ZBTB20: variants seen among roughly 807,000 people sequenced by gnomAD.
ZBTB20 encodes the protein zinc finger and BTB domain-containing protein 20.
In ZBTB20, 9 loss-of-function variants were observed where a neutral mutation model predicts 56.9. The ratio of observed to expected loss-of-function variants is 0.16; its 90% confidence interval spans 0.10 to 0.28. ZBTB20 has a LOEUF of 0.28. ZBTB20 is among the 10% of genes least tolerant of loss of function. ZBTB20 has a pLI of 1.00. For missense variants in ZBTB20, 655 were observed against 1,003.0 expected (o/e 0.65, Z 4.69); for synonymous variants, 417 against 420.7 (o/e 0.99, Z 0.11).
At chr3:114,986,310 T>A (rs2078541168) in intron 2 of ZBTB20, among the ~76,000 whole-genome samples, 1 of 152,114 alleles carries the variant, frequency 6.6e-6, no homozygotes, top group Admixed American at 6.6e-5. Flanking sequence ...GCATATTTTA[T>A]CCATCAGATT....
chr3:114,388,538 C>T (rs1255758080), intron 8 of ZBTB20: 1 of 152,456 alleles, frequency 6.6e-6, no homozygotes, highest in Non-Finnish European at 1.5e-5. Context: ...AAGGGAAGGG[C>T]AGCAAGGAGA....
intron 4 of ZBTB20, among the ~76,000 whole-genome samples, chr3:114,877,377 G>A (rs2076238033): frequency 6.6e-6 from 1 of 152,184 alleles, no homozygotes; most frequent in Non-Finnish European, 1.5e-5. Flanking sequence ...AGGCTGGAGT[G>A]GAGTAGTGTG....
At chr3:114,824,693 C>G (rs1318646315) in intron 4 of ZBTB20, among the ~76,000 whole-genome samples, 1 of 151,858 alleles carries the variant, frequency 6.6e-6, no homozygotes, top group Non-Finnish European at 1.5e-5. Context: ...GTCCCTAAGA[C>G]TAATGAGTCC....
chr3:114,795,649 C>A (rs1345527898), intron 5 of ZBTB20, among the ~76,000 whole-genome samples: 1 of 152,004 alleles, frequency 6.6e-6, no homozygotes, highest in Non-Finnish European at 1.5e-5. Flanking sequence ...TCCTGAACAC[C>A]CAAAGGACAG....
chr3:115,009,079 A>T (rs555203209), intron 2 of ZBTB20, among the ~76,000 whole-genome samples: 2 of 151,936 alleles, frequency 1.3e-5, no homozygotes, highest in Non-Finnish European at 2.9e-5. Context: ...TCCTTTGAAC[A>T]TTATCTACTG....
intron 7 of ZBTB20, among the ~76,000 whole-genome samples, chr3:114,486,462 G>A (rs78856462): frequency 0.011 from 1,670 of 152,244 alleles, 27 homozygotes; most frequent in African/African-American, 0.038. Context: ...TTTACTGAAA[G>A]GTACTGTTAT....
chr3:114,489,206 G>T (rs938942340), intron 7 of ZBTB20, among the ~76,000 whole-genome samples: 18 of 151,992 alleles, frequency 1.2e-4, no homozygotes, highest in Non-Finnish European at 2.2e-4. Flanking sequence ...GGGGGAAAAA[G>T]AACTTACCTA....
chr3:114,697,695 T>A (rs1473799023), intron 5 of ZBTB20, among the ~76,000 whole-genome samples: 1 of 151,946 alleles, frequency 6.6e-6, no homozygotes, highest in Non-Finnish European at 1.5e-5. Flanking sequence ...ACTATTGATT[T>A]ACACTATGCC....
rs1553785009 is a variant in ZBTB20 at position 114,329,735 on chromosome 3, A to AAAAAAC, written c.*9269_*9270insGTTTTT. 7.2e-5 allele frequency: 10 copies of AAAAAAC among 138,676 alleles called. No homozygotes were observed. The highest frequency in any genetic ancestry group is 2.1e-4 in the African/African-American group (7 of 32,936). 8.6% of individuals were successfully genotyped at this position (138,676 alleles called of 1,614,324 possible). A position where few individuals can be genotyped will look rare whatever the true frequency, so the allele number is the denominator to read the frequency against. On this transcript the variant is annotated 3_prime_UTR_variant, in exon 12 of 12. Coordinates refer to ENST00000675478, the MANE Select transcript of ZBTB20 (RefSeq NM_001348800.3). ...AAAAAAAAAAAAAAAAAAAAAAAAA[A>AAAAAAC]AACAACTCCCAGGAAAATGAACACT...
At chr3:114,533,788 T>C (rs575768980) in intron 6 of ZBTB20, among the ~76,000 whole-genome samples, 4 of 152,252 alleles carry the variant, frequency 2.6e-5, no homozygotes, top group African/African-American at 7.2e-5. Flanking sequence ...ACAACAGATC[T>C]CTCTGCAGAA....
chr3:114,398,707 C>T (rs1162183890), intron 7 of ZBTB20, among the ~76,000 whole-genome samples: 1 of 152,120 alleles, frequency 6.6e-6, no homozygotes, highest in Non-Finnish European at 1.5e-5. Flanking sequence ...ATCATTAAAT[C>T]ATGGTAACTT....
At chr3:114,352,270 A>G (rs1454097441) in intron 10 of ZBTB20, among the ~76,000 whole-genome samples, 1 of 152,152 alleles carries the variant, frequency 6.6e-6, no homozygotes, top group African/African-American at 2.4e-5. Flanking sequence ...ATTTTTATTT[A>G]TGTATTTATT....
chr3:114,839,882 T>TA (rs1560307467), intron 4 of ZBTB20, among the ~76,000 whole-genome samples: 2 of 152,186 alleles, frequency 1.3e-5, no homozygotes, highest in Non-Finnish European at 2.9e-5. Context: ...CCCCCTCACT[T>TA]AGAGTCTTCT....
At chr3:114,444,419 T>A (rs1190135731) in intron 7 of ZBTB20, among the ~76,000 whole-genome samples, 1 of 152,168 alleles carries the variant, frequency 6.6e-6, no homozygotes, top group Admixed American at 6.5e-5. Context: ...TATTTGTCCC[T>A]GCCACATCCG....
intron 3 of ZBTB20, among the ~76,000 whole-genome samples, chr3:114,901,160 T>C (rs964957720): frequency 6.6e-6 from 1 of 151,928 alleles, no homozygotes; most frequent in South Asian, 2.1e-4. Context: ...ATCCCAGCAC[T>C]ATGGGAGGCT....
chr3:114,364,729 G>C (rs555544211), intron 10 of ZBTB20, among the ~76,000 whole-genome samples: 2 of 152,282 alleles, frequency 1.3e-5, no homozygotes, highest in South Asian at 4.1e-4. Flanking sequence ...GTATGGAAAA[G>C]TGTCTCATTT....
intron 10 of ZBTB20, among the ~76,000 whole-genome samples, chr3:114,360,601 T>C (rs2081756847): frequency 1.3e-5 from 2 of 151,938 alleles, no homozygotes; most frequent in African/African-American, 2.4e-5. Flanking sequence ...TCTGCCCACC[T>C]TGGCCTCCCA....
At chr3:114,641,272 CATG>C (rs2059542990) in intron 6 of ZBTB20, among the ~76,000 whole-genome samples, 2 of 151,872 alleles carry the variant, frequency 1.3e-5, no homozygotes, top group African/African-American at 2.4e-5. Flanking sequence ...GACACAGATC[CATG>C]ATATTTCTGG....
chr3:115,013,364 C>T (rs2079803371), intron 2 of ZBTB20, among the ~76,000 whole-genome samples: 1 of 151,500 alleles, frequency 6.6e-6, no homozygotes, highest in Non-Finnish European at 1.5e-5. Context: ...ACAACTGATA[C>T]CGCAGAATTT....
Sources: allele counts gnomAD v4.1 joint callset (sites outside exome capture counted in the v4.1 genomes callset), GRCh38; gene constraint gnomAD v4.1.1; transcripts MANE v1.5; gene names NCBI Gene and HGNC (gene_info 2026-07-23, HGNC 2026-07-21).